The following HM13 variants were observed in gnomAD, a reference collection of about 807,000 sequenced individuals.
The protein encoded by HM13 is histocompatibility minor 13.
Under a neutral mutation model 50.0 loss-of-function variants are expected in HM13, and 18 were observed. The observed-to-expected ratio is 0.36, with a 90% confidence interval of 0.25 to 0.53. HM13 has a LOEUF of 0.53. Ranked by LOEUF, HM13 falls within the 20% of genes least tolerant of loss-of-function variation. The pLI is 0.90. For missense variants in HM13, 393 were observed against 552.4 expected (o/e 0.71, Z 2.89); for synonymous variants, 197 against 232.6 (o/e 0.85, Z 1.39).
intron 4 of HM13, among the ~76,000 whole-genome samples, chr20:31,548,224 A>C (rs992989688): frequency 6.6e-6 from 1 of 152,204 alleles, no homozygotes; most frequent in African/African-American, 2.4e-5. Flanking sequence ...GAAAAAACAA[A>C]TTAGGGGACA....
rs1984400881 is a variant in HM13, at chr20:31,557,834, A to G, written c.809-1777A>G. Among the ~76,000 whole-genome samples the G allele has an allele frequency of 2.0e-5, 3 of 150,368 alleles. No homozygotes were observed. In the South Asian group the frequency reaches 6.2e-4, roughly 31 times the overall value. On this transcript the variant is annotated intron_variant, in intron 8 of 12. Coordinates refer to ENST00000398174, the MANE Select transcript of HM13 (RefSeq NM_178581.3). ...GTGATTCTCCTGCCTCAACCTCCCA[A>G]GTAGCTGGGATTACAGGCATGTGCC...
At chr20:31,567,398 G>A (rs1295277791) in intron 11 of HM13, among the ~76,000 whole-genome samples, 2 of 152,166 alleles carry the variant, frequency 1.3e-5, no homozygotes, top group East Asian at 3.9e-4. Context: ...GGGTGCCCCT[G>A]GCCTTTACCT....
At position 31,521,161 on chromosome 20, in the gene HM13, A is replaced by G. The variant is rs545751629; in HGVS notation, c.184-6323A>G. 2.0e-5 allele frequency among the ~76,000 whole-genome samples: 3 copies of G among 152,340 alleles called. No homozygotes were observed. The East Asian group carries it at 5.8e-4, about 29-fold the overall frequency. ...CTAGCAACTTTTTAGTATTTTTGTA[A>G]CTACAAAGATTAGCTGTTCAGTTAC... On this transcript the variant is annotated intron_variant, in intron 1 of 12. Transcript: ENST00000398174.
At chr20:31,533,407 A>G (rs557154541) in intron 2 of HM13, among the ~76,000 whole-genome samples, 1 of 152,344 alleles carries the variant, frequency 6.6e-6, no homozygotes, top group South Asian at 2.1e-4. Flanking sequence ...TGGGAGGCTG[A>G]GGCAGGAGAA....
rs564173684 is a variant in HM13, at chr20:31,557,770, C to T, written c.809-1841C>T. Among the ~76,000 whole-genome samples the T allele has an allele frequency of 2.3e-5, 3 of 132,486 alleles. No homozygotes were observed. The South Asian group carries it at 6.8e-4, about 30-fold the overall frequency. 86.9% of individuals were successfully genotyped at this position (132,486 alleles called of 152,430 possible). A position where few individuals can be genotyped will look rare whatever the true frequency, so the allele number is the denominator to read the frequency against. Reference sequence around the variant, plus strand: ...TTGTTGCCCAGGCAGTGCAATGGCACAATCTAAGCTCACTGCAACCTCCAC... The same window carrying T: ...TTGTTGCCCAGGCAGTGCAATGGCATAATCTAAGCTCACTGCAACCTCCAC... On this transcript the variant is annotated intron_variant, in intron 8 of 12. Coordinates refer to ENST00000398174, the MANE Select transcript of HM13 (RefSeq NM_178581.3).
intron 9 of HM13, 40 bp downstream of exon 9, chr20:31,559,687 G>A (rs2122651540): frequency 6.2e-6 from 10 of 1,608,562 alleles, no homozygotes; most frequent in East Asian, 2.2e-5. Context: ...GGCTTCTCCA[G>A]GGATTCTCCA....
chr20:31,530,474 G>A (rs751130058), intron 2 of HM13, among the ~76,000 whole-genome samples: 16 of 150,448 alleles, frequency 1.1e-4, no homozygotes, highest in South Asian at 2.1e-4. Flanking sequence ...AGTGGCGTGC[G>A]ATCTCAGCTC....
chr20:31,550,810 T>C (rs910403413), intron 7 of HM13, among the ~76,000 whole-genome samples: 3 of 152,230 alleles, frequency 2.0e-5, no homozygotes, highest in Middle Eastern at 6.8e-3. Context: ...ACCCTATCTC[T>C]ACAAAAAATT....
Position 31,554,618 on chromosome 20 carries a change from C to T in HM13, c.725-128C>T, listed in dbSNP as rs577236049. ...AATGGCATGAACCCAGGAGATGGAG[C>T]TTGCAGTGAGCCGAGATTGCGCCAC... On this transcript the variant is annotated intron_variant, in intron 7 of 12. Coordinates refer to ENST00000398174, the MANE Select transcript of HM13 (RefSeq NM_178581.3). 146 of 673,470 alleles carry T rather than the reference C, an allele frequency of 2.2e-4. 3 individuals are homozygous for T. The highest frequency in any genetic ancestry group is 4.1e-4 in the Middle Eastern group (1 of 2,422). 41.7% of individuals were successfully genotyped at this position (673,470 alleles called of 1,614,324 possible).
At chr20:31,538,592 C>G (rs1600639462) in intron 3 of HM13, 1 of 1,282,264 alleles carries the variant, frequency 7.8e-7, no homozygotes, top group East Asian at 2.9e-5. Flanking sequence ...GTGTTGTGGC[C>G]TAGCTGTGTG....
chr20:31,538,049 G>T, intron 2 of HM13, 130 bp from the exon 3 acceptor site: 1 of 1,025,356 alleles, frequency 9.8e-7, no homozygotes, highest in South Asian at 1.6e-5. Context: ...AGTATTGTCT[G>T]AGACTCTTCC....
chr20:31,542,717 A>G (rs937803396), intron 3 of HM13, among the ~76,000 whole-genome samples: 2 of 152,188 alleles, frequency 1.3e-5, no homozygotes, highest in African/African-American at 2.4e-5. Flanking sequence ...TTGGAATAAC[A>G]AAGATATCAA....
chr20:31,555,436 C>T lies in HM13; in HGVS notation c.808+607C>T, dbSNP rs190930881. Among the ~76,000 whole-genome samples the T allele has an allele frequency of 1.4e-3, 212 of 152,056 alleles. 2 individuals are homozygous for T. The highest frequency in any genetic ancestry group is 0.012 in the Admixed American group (189 of 15,290). On this transcript the variant is annotated intron_variant, in intron 8 of 12. Transcript: ENST00000398174. ...GTCAGTGTGTCTGTGGGTATGGACA[C>T]GGGCCCTGTCCACAATCCAAGCAGG... is the stretch of plus-strand genomic sequence containing the variant.
chr20:31,515,770 G>A (rs73232401), intron 1 of HM13, among the ~76,000 whole-genome samples: 2,519 of 151,958 alleles, frequency 0.017, 84 homozygotes, highest in African/African-American at 0.058. Context: ...TTTCTAGCCC[G>A]TTGTACCAAT....
At chr20:31,550,851 C>G (rs563661303) in intron 7 of HM13, among the ~76,000 whole-genome samples, 1 of 152,264 alleles carries the variant, frequency 6.6e-6, no homozygotes, top group East Asian at 1.9e-4. Context: ...TAACACACAT[C>G]TGTAGTCCTA....
At chr20:31,547,970 A>G in intron 4 of HM13, 1 of 1,553,718 alleles carries the variant, frequency 6.4e-7, no homozygotes, top group Non-Finnish European at 8.9e-7. Flanking sequence ...GAAGATATTG[A>G]GAAAGTCAAC....
intron 7 of HM13, 142 bp downstream of exon 7, chr20:31,550,263 T>C: frequency 1.5e-6 from 1 of 682,902 alleles, no homozygotes; most frequent in Admixed American, 2.1e-5. Context: ...GGTTTCCTTA[T>C]CCTCAATTGA....
chr20:31,548,150 G>A, intron 4 of HM13: 1 of 817,018 alleles, frequency 1.2e-6, no homozygotes, highest in South Asian at 1.5e-5. Context: ...TGCCTCTGTG[G>A]TTATGCTAAA....
intron 1 of HM13, among the ~76,000 whole-genome samples, chr20:31,525,920 G>A (rs530857843): frequency 6.6e-6 from 1 of 152,220 alleles, no homozygotes; most frequent in African/African-American, 2.4e-5. Context: ...GAGGCCAGGA[G>A]TTTGAGACCA....
Sources: allele counts gnomAD v4.1 joint callset (sites outside exome capture counted in the v4.1 genomes callset), GRCh38; gene constraint gnomAD v4.1.1; transcripts MANE v1.5; gene names NCBI Gene and HGNC (gene_info 2026-07-23, HGNC 2026-07-21).